Variants in B4GALT1 observed in about 807,000 individuals in gnomAD.
B4GALT1 encodes the protein N-acetyllactosamine synthase.
In B4GALT1, 16 loss-of-function variants were observed where a neutral mutation model predicts 34.9. The observed-to-expected ratio is 0.46, with a 90% CI of 0.31 to 0.70. B4GALT1 has a LOEUF of 0.70. B4GALT1 is among the 30% of genes least tolerant of loss of function. The probability of loss-of-function intolerance (pLI) is 0.05; values close to 1 mark genes in which losing one functional copy is unlikely to be tolerated. For synonymous variants in B4GALT1, 221 were observed against 218.1 expected, an observed-to-expected ratio of 1.01 and a Z score of -0.12; for missense variants, 445 against 530.5, an observed-to-expected ratio of 0.84 and a Z score of 1.58.
chr9:33,145,139 C>T (rs1481511524), intron 1 of B4GALT1, among the ~76,000 whole-genome samples: 1 of 152,176 alleles, frequency 6.6e-6, no homozygotes, highest in Non-Finnish European at 1.5e-5. Flanking sequence ...CAGTCTGCCA[C>T]ATGAGGCCTT....
intron 1 of B4GALT1, among the ~76,000 whole-genome samples, chr9:33,136,347 GGGTATGTGGTACACGT>G (rs1434570393): frequency 1.3e-5 from 2 of 152,104 alleles, no homozygotes; most frequent in Admixed American, 6.6e-5. Context: ...GTCACATACC[GGGTATGTGGTACACGT>G]GGTGCAGTCC....
At chr9:33,166,519 C>T (rs1489819610) in intron 1 of B4GALT1, among the ~76,000 whole-genome samples, 1 of 152,236 alleles carries the variant, frequency 6.6e-6, no homozygotes, top group Non-Finnish European at 1.5e-5. Flanking sequence ...GCTAGAGGGG[C>T]CTCGGGACTT....
At chr9:33,157,773 T>C (rs1411034168) in intron 1 of B4GALT1, among the ~76,000 whole-genome samples, 1 of 152,096 alleles carries the variant, frequency 6.6e-6, no homozygotes, top group Admixed American at 6.5e-5. Context: ...ATAAGCATTA[T>C]ACTACCAATA....
intron 1 of B4GALT1, 115 bp from the exon 2 acceptor site, chr9:33,135,539 G>A (rs73472094): frequency 0.022 from 24,562 of 1,094,606 alleles, 410 homozygotes; most frequent in East Asian, 0.064. Context: ...TCTCCTCCTG[G>A]GAGGCAACGT....
intron 1 of B4GALT1, among the ~76,000 whole-genome samples, chr9:33,139,455 C>A (rs3780486): frequency 6.6e-6 from 1 of 152,006 alleles, no homozygotes; most frequent in Non-Finnish European, 1.5e-5. Context: ...GCCCTTCTTG[C>A]CAATCTGGCA....
At chr9:33,179,415 T>C in the B4GALT1 span, 5 of 152,218 alleles carry the variant, frequency 3.3e-5, no homozygotes, top group Non-Finnish European at 4.4e-5. Flanking sequence ...CTTCATCCAG[T>C]GAGGATTTCC....
At chr9:33,170,131 G>A (rs1367414834), upstream of B4GALT1, among the ~76,000 whole-genome samples, 5 of 151,590 alleles carry the variant, frequency 3.3e-5, no homozygotes, top group South Asian at 6.2e-4. Context: ...CACCATGCCC[G>A]GCTAATTTGT....
chr9:33,161,068 C>T (rs1840668363), intron 1 of B4GALT1, among the ~76,000 whole-genome samples: 1 of 152,022 alleles, frequency 6.6e-6, no homozygotes, highest in Admixed American at 6.5e-5. Flanking sequence ...GTGAGGGGCT[C>T]TGGAGAAGCA....
intron 1 of B4GALT1, among the ~76,000 whole-genome samples, chr9:33,159,800 T>C (rs1840648918): frequency 6.6e-6 from 1 of 152,222 alleles, no homozygotes; most frequent in Non-Finnish European, 1.5e-5. Flanking sequence ...TCAACAGCAC[T>C]GGTTTAGCTA....
intron 2 of B4GALT1, among the ~76,000 whole-genome samples, chr9:33,105,303 C>A (rs1839787875): frequency 6.6e-6 from 1 of 151,866 alleles, no homozygotes; most frequent in South Asian, 2.1e-4. Context: ...CCACGCCTGG[C>A]TAATTTTGTA....
chr9:33,121,354 ATATTTT>A (rs1226236376), intron 2 of B4GALT1, among the ~76,000 whole-genome samples: 1 of 152,108 alleles, frequency 6.6e-6, no homozygotes, highest in Non-Finnish European at 1.5e-5. Flanking sequence ...AAGGGAATGC[ATATTTT>A]TATTTTTATT....
In B4GALT1 at chr9:33,158,342, A is replaced by G. The variant is rs76515889; in HGVS notation, c.412+8416T>C. On this transcript the variant is annotated intron_variant, in intron 1 of 5. Coordinates refer to ENST00000379731, the MANE Select transcript of B4GALT1 (RefSeq NM_001497.4). The stretch of plus-strand genomic sequence containing the variant: ...TGCTCCTACCCTCTGCAGACCAAGA[A>G]ATCCCTCTCTGCAGCTCTCTTCCCT... Among the ~76,000 whole-genome samples, 36 of 152,200 alleles carry G rather than the reference A, an allele frequency of 2.4e-4. No individual in the cohort carries two copies. In the East Asian group the frequency reaches 5.6e-3, roughly 24 times the overall value.
rs1839857086 is a variant in B4GALT1 at position 33,111,276 on chromosome 9, A to AAC, written c.*2177_*2178insGT. The AAC allele has an allele frequency of 6.6e-5, 7 of 105,930 alleles. No homozygotes were observed. The highest frequency in any genetic ancestry group is 1.0e-4 in the Non-Finnish European group (5 of 49,226). 6.6% of individuals were successfully genotyped at this position (105,930 alleles called of 1,614,324 possible). On this transcript the variant is annotated 3_prime_UTR_variant, in exon 6 of 6. Transcript: ENST00000379731. Reference sequence around the variant, plus strand: ...AAAAAAAAAAAAAAAAAAAAAAAAAAAACAACAAGAAAAGGTAGAGTTTGG... The same window carrying AAC: ...AAAAAAAAAAAAAAAAAAAAAAAAAAACAACAACAAGAAAAGGTAGAGTTTGG...
intron 1 of B4GALT1, among the ~76,000 whole-genome samples, chr9:33,155,269 G>C (rs1039422045): frequency 3.9e-5 from 6 of 152,112 alleles, no homozygotes; most frequent in African/African-American, 1.4e-4. Context: ...TGGCATCCTG[G>C]ATTCCAACAC....
intron 1 of B4GALT1, among the ~76,000 whole-genome samples, chr9:33,148,805 A>G (rs374386823): frequency 3.0e-5 from 1 of 32,852 alleles, no homozygotes; most frequent in Non-Finnish European, 5.8e-5. Context: ...GCCTAAAAGT[A>G]AAAAAAAAAA....
downstream of B4GALT1, among the ~76,000 whole-genome samples, chr9:33,108,107 T>G (rs2117975699): frequency 6.6e-6 from 1 of 152,328 alleles, no homozygotes; most frequent in Non-Finnish European, 1.5e-5. Flanking sequence ...GCGTAACACT[T>G]GTCGTGCTTA....
At position 33,112,482 on chromosome 9, in the gene B4GALT1, G is replaced by A. The variant is rs1176963428; in HGVS notation, c.*972C>T. The A allele has an allele frequency of 1.3e-5, 2 of 152,536 alleles. No individual in the cohort carries two copies. Among genetic ancestry groups the A allele is most frequent in the East Asian group, 3.9e-4 (2 of 5,192 alleles). The allele number at this position is 152,536 out of a possible 1,614,324, so 9.4% of individuals were successfully genotyped here. ...GTGATTTTGCTCTTGAGAAAACCTG[G>A]CCTGCCAGCTAAATCATAGGCCTAT... On this transcript the variant is annotated 3_prime_UTR_variant, in exon 6 of 6. Coordinates refer to ENST00000379731, the MANE Select transcript of B4GALT1 (RefSeq NM_001497.4).
Position 33,113,429 on chromosome 9 carries a change from G to C in B4GALT1, c.*25C>G, listed in dbSNP as rs571848514. On this transcript the variant is annotated 3_prime_UTR_variant, in exon 6 of 6. Transcript: ENST00000379731. ...CAGCAGAGGTCCCTGGCTAATTTCAGGTCTCTTATCCGTGTACCAAAACGC... is the reference window on the plus strand; with the variant it reads ...CAGCAGAGGTCCCTGGCTAATTTCACGTCTCTTATCCGTGTACCAAAACGC... The C allele has an allele frequency of 3.5e-5, 56 of 1,614,054 alleles. No individual in the cohort carries two copies. The Admixed American group carries it at 9.0e-4, about 26-fold the overall frequency.
chr9:33,107,964 C>T (rs190385045), downstream of B4GALT1, among the ~76,000 whole-genome samples: 7 of 152,270 alleles, frequency 4.6e-5, no homozygotes, highest in Admixed American at 3.3e-4. Flanking sequence ...AAGTTCAAGA[C>T]GTGTGCCCCA....
Sources: allele counts gnomAD v4.1 joint callset (sites outside exome capture counted in the v4.1 genomes callset), GRCh38; gene constraint gnomAD v4.1.1; transcripts MANE v1.5; gene names NCBI Gene and HGNC (gene_info 2026-07-23, HGNC 2026-07-21).